The following ASIC2 variants were observed in gnomAD, a reference collection of about 807,000 sequenced individuals.
ASIC2 encodes acid sensing ion channel subunit 2.
Under a neutral mutation model 57.3 loss-of-function variants are expected in ASIC2, and 25 were observed. The observed-to-expected ratio is 0.44, with a 90% CI of 0.32 to 0.61. ASIC2 has a LOEUF of 0.61. Among genes scored for constraint, ASIC2 ranks in the 20% least tolerant of loss-of-function variants. The pLI is 0.06. For missense variants in ASIC2, 641 were observed against 738.1 expected, an observed-to-expected ratio of 0.87 and a Z score of 1.52; for synonymous variants, 319 against 307.5, an observed-to-expected ratio of 1.04 and a Z score of -0.39.
intron 1 of ASIC2, among the ~76,000 whole-genome samples, chr17:33,691,710 T>C (rs1325871154): frequency 6.6e-6 from 1 of 152,204 alleles, no homozygotes; most frequent in Admixed American, 6.5e-5. Context: ...AGAAATTGGA[T>C]TCTATGTAAC....
At chr17:34,089,402 G>C (rs185202698) in intron 1 of ASIC2, among the ~76,000 whole-genome samples, 205 of 152,266 alleles carry the variant, frequency 1.3e-3, no homozygotes, top group African/African-American at 4.8e-3. Flanking sequence ...ATACCAAGGT[G>C]ATAGCCAGGT....
intron 1 of ASIC2, among the ~76,000 whole-genome samples, chr17:34,009,894 A>G (rs1019092420): frequency 1.3e-5 from 2 of 152,196 alleles, no homozygotes; most frequent in African/African-American, 4.8e-5. Context: ...GTGCATGAGG[A>G]GCTAACATTT....
At chr17:34,002,956 G>T (rs377137031) in intron 1 of ASIC2, 1 of 152,098 alleles carries the variant, frequency 6.6e-6, no homozygotes, top group East Asian at 1.9e-4. Flanking sequence ...AATAAACACC[G>T]CTGAATTTTT....
At chr17:33,218,920 A>G (rs1050456165) in intron 1 of ASIC2, among the ~76,000 whole-genome samples, 1 of 152,142 alleles carries the variant, frequency 6.6e-6, no homozygotes, top group Non-Finnish European at 1.5e-5. Flanking sequence ...ATGTTTTCCA[A>G]CCACACCCGT....
At chr17:33,497,030 C>T (rs976225720) in intron 1 of ASIC2, among the ~76,000 whole-genome samples, 1 of 152,184 alleles carries the variant, frequency 6.6e-6, no homozygotes. Context: ...GCCTAGCCCA[C>T]AGTGGATGCT....
chr17:33,444,879 C>G (rs1478976295), intron 1 of ASIC2, among the ~76,000 whole-genome samples: 1 of 152,180 alleles, frequency 6.6e-6, no homozygotes, highest in Non-Finnish European at 1.5e-5. Context: ...GCCTGCAGGT[C>G]AAATCCAGCT....
chr17:33,584,874 T>C (rs1184215387), intron 1 of ASIC2, among the ~76,000 whole-genome samples: 1 of 152,024 alleles, frequency 6.6e-6, no homozygotes, highest in Non-Finnish European at 1.5e-5. Context: ...GAGACACCGA[T>C]GGCCTAAAGA....
intron 1 of ASIC2, among the ~76,000 whole-genome samples, chr17:33,165,867 A>G (rs75761551): frequency 0.017 from 2,548 of 152,264 alleles, 67 homozygotes; most frequent in East Asian, 0.11. Context: ...TCACTTATTC[A>G]TTCATTCAAC....
intron 1 of ASIC2, among the ~76,000 whole-genome samples, chr17:33,394,607 T>C (rs1910010928): frequency 6.6e-6 from 1 of 152,080 alleles, no homozygotes; most frequent in Non-Finnish European, 1.5e-5. Context: ...TGAGGGGACA[T>C]GATCCCAGAG....
chr17:34,140,211 G>A (rs772574032), intron 1 of ASIC2, among the ~76,000 whole-genome samples: 3 of 152,142 alleles, frequency 2.0e-5, no homozygotes, highest in South Asian at 2.1e-4. Context: ...GAAGACGGGC[G>A]CCATTCAAGA....
intron 1 of ASIC2, chr17:33,572,133 A>G (rs1567654589): frequency 6.6e-6 from 1 of 152,248 alleles, no homozygotes; most frequent in African/African-American, 2.4e-5. Flanking sequence ...GTGCATATAT[A>G]TTAGCAGGAT....
At chr17:33,615,147 C>T (rs990177667) in intron 1 of ASIC2, among the ~76,000 whole-genome samples, 1 of 152,210 alleles carries the variant, frequency 6.6e-6, no homozygotes, top group African/African-American at 2.4e-5. Context: ...AACACTGCAA[C>T]AGTCAATCTT....
chr17:33,771,479 C>G (rs967168309), intron 1 of ASIC2, among the ~76,000 whole-genome samples: 2 of 152,084 alleles, frequency 1.3e-5, no homozygotes, highest in African/African-American at 4.8e-5. Flanking sequence ...CTTTGTATTG[C>G]TGTTTTTTAA....
At chr17:33,934,824 A>G (rs149586087) in intron 1 of ASIC2, among the ~76,000 whole-genome samples, 32 of 152,240 alleles carry the variant, frequency 2.1e-4, no homozygotes, top group Middle Eastern at 6.8e-3. Flanking sequence ...CTCCTTGCCT[A>G]ATCTTTCTCA....
chr17:33,529,575 T>C (rs1400849477), intron 1 of ASIC2, among the ~76,000 whole-genome samples: 4 of 152,248 alleles, frequency 2.6e-5, no homozygotes, highest in Non-Finnish European at 5.9e-5. Context: ...TTTGGGGTTT[T>C]ATTTGGACTC....
chr17:33,524,080 G>T (rs1914820050), intron 1 of ASIC2, among the ~76,000 whole-genome samples: 1 of 152,164 alleles, frequency 6.6e-6, no homozygotes, highest in Admixed American at 6.5e-5. Context: ...GAGCAACTCA[G>T]CATGCCCCTG....
At chr17:33,345,952 G>A (rs538298103) in intron 1 of ASIC2, among the ~76,000 whole-genome samples, 7 of 152,176 alleles carry the variant, frequency 4.6e-5, no homozygotes, top group East Asian at 1.9e-4. Flanking sequence ...GAGGCCAGGC[G>A]TGGTGGCTAA....
intron 1 of ASIC2, among the ~76,000 whole-genome samples, chr17:34,033,497 C>T (rs918181450): frequency 5.9e-5 from 9 of 151,942 alleles, no homozygotes; most frequent in Non-Finnish European, 1.2e-4. Context: ...TAGCAGAAGG[C>T]AAAAAATAAC....
At chr17:33,807,414 A>G (rs12602573) in intron 1 of ASIC2, among the ~76,000 whole-genome samples, 20,189 of 152,230 alleles carry the variant, frequency 0.13, 1,426 homozygotes, top group East Asian at 0.19. Context: ...CTGCTAATGC[A>G]GAGGTGGGTA....
Sources: allele counts gnomAD v4.1 joint callset (sites outside exome capture counted in the v4.1 genomes callset), GRCh38; gene constraint gnomAD v4.1.1; transcripts MANE v1.5; gene names NCBI Gene and HGNC (gene_info 2026-07-23, HGNC 2026-07-21).